The following KCNAB1 variants were observed in gnomAD, a reference collection of about 807,000 sequenced individuals.
The protein encoded by KCNAB1 is potassium voltage-gated channel subfamily A regulatory beta subunit 1.
Under a neutral mutation model 64.6 loss-of-function variants are expected in KCNAB1, and 35 were observed. The ratio of observed to expected loss-of-function variants is 0.54; its 90% CI spans 0.41 to 0.72. KCNAB1 has a LOEUF of 0.72. KCNAB1 is among the 30% of genes least tolerant of loss of function. KCNAB1 has a pLI of 0.00. For synonymous variants in KCNAB1, 177 were observed against 183.8 expected (o/e 0.96, Z 0.30); for missense variants, 401 against 512.9 (o/e 0.78, Z 2.11).
At chr3:156,171,743 G>T (rs1209986786) in intron 1 of KCNAB1, among the ~76,000 whole-genome samples, 1 of 152,128 alleles carries the variant, frequency 6.6e-6, no homozygotes, top group Non-Finnish European at 1.5e-5. Flanking sequence ...ACGCTACATG[G>T]CCTCTAATCT....
intron 1 of KCNAB1, among the ~76,000 whole-genome samples, chr3:156,413,037 A>G (rs1266310106): frequency 2.0e-5 from 3 of 152,228 alleles, no homozygotes; most frequent in African/African-American, 7.2e-5. Flanking sequence ...AAGCCTGAAC[A>G]TAAGAGTAGA....
intron 1 of KCNAB1, among the ~76,000 whole-genome samples, chr3:156,310,539 T>C (rs113081946): frequency 0.056 from 8,506 of 152,086 alleles, 367 homozygotes; most frequent in African/African-American, 0.12. Context: ...CATGGTGGCT[T>C]ACGCCTGTAA....
chr3:156,400,079 A>G (rs1713776330), intron 1 of KCNAB1, among the ~76,000 whole-genome samples: 1 of 152,172 alleles, frequency 6.6e-6, no homozygotes, highest in African/African-American at 2.4e-5. Flanking sequence ...TTTCCATGTG[A>G]TTTCCAAATG....
At chr3:156,275,395 A>G (rs925010361) in intron 1 of KCNAB1, among the ~76,000 whole-genome samples, 1 of 152,218 alleles carries the variant, frequency 6.6e-6, no homozygotes, top group Non-Finnish European at 1.5e-5. Context: ...CTGACTGACC[A>G]GAATGGTGGT....
chr3:156,139,702 G>A (rs573043023), intron 1 of KCNAB1, among the ~76,000 whole-genome samples: 1 of 146,288 alleles, frequency 6.8e-6, no homozygotes, highest in African/African-American at 2.5e-5. Context: ...AATGGAAATA[G>A]GTTTATGAGA....
At chr3:156,345,894 A>G (rs1724450950) in intron 1 of KCNAB1, among the ~76,000 whole-genome samples, 1 of 152,190 alleles carries the variant, frequency 6.6e-6, no homozygotes, top group South Asian at 2.1e-4. Context: ...CTACTGAGCA[A>G]CACCTCACTA....
At chr3:156,494,337 A>C (rs1282632096) in intron 8 of KCNAB1, among the ~76,000 whole-genome samples, 1 of 152,110 alleles carries the variant, frequency 6.6e-6, no homozygotes, top group Non-Finnish European at 1.5e-5. Flanking sequence ...AAGCATAATA[A>C]AAAATTTGGA....
chr3:156,341,668 A>C (rs1453228047), intron 1 of KCNAB1, among the ~76,000 whole-genome samples: 1 of 152,246 alleles, frequency 6.6e-6, no homozygotes, highest in African/African-American at 2.4e-5. Context: ...CTACATAGAA[A>C]TATAATCCAG....
chr3:156,413,505 C>A (rs913770386), intron 1 of KCNAB1, among the ~76,000 whole-genome samples: 2 of 152,124 alleles, frequency 1.3e-5, no homozygotes, highest in African/African-American at 4.8e-5. Flanking sequence ...TCACAACAAC[C>A]CTATGAAGTA....
chr3:156,400,203 C>G (rs1311503750), intron 1 of KCNAB1, among the ~76,000 whole-genome samples: 1 of 152,184 alleles, frequency 6.6e-6, no homozygotes, highest in African/African-American at 2.4e-5. Flanking sequence ...TTTAAAATGT[C>G]TAAATTGCCT....
rs376530947 is a variant in KCNAB1 at position 156,478,744 on chromosome 3, G to A, written c.658+3924G>A. On this transcript the variant is annotated intron_variant, in intron 8 of 13. Transcript: ENST00000490337. ...AATAAACCAAGACGAGCTTCATCCA[G>A]TTTCTACATATCATACAGCAACCAT... 3.3e-5 allele frequency among the ~76,000 whole-genome samples: 5 copies of A among 152,254 alleles called. No individual in the cohort carries two copies. The East Asian group carries it at 7.7e-4, about 24-fold the overall frequency.
intron 1 of KCNAB1, among the ~76,000 whole-genome samples, chr3:156,184,613 A>G (rs931445364): frequency 1.3e-5 from 2 of 152,250 alleles, no homozygotes; most frequent in African/African-American, 4.8e-5. Context: ...GGACACAGGT[A>G]TCTAAGAACA....
At chr3:156,344,832 TC>T (rs564253077) in intron 1 of KCNAB1, among the ~76,000 whole-genome samples, 6 of 152,178 alleles carry the variant, frequency 3.9e-5, no homozygotes, top group African/African-American at 7.2e-5. Context: ...TCCCATTACG[TC>T]CTATCTCCAG....
intron 1 of KCNAB1, among the ~76,000 whole-genome samples, chr3:156,247,959 C>T (rs1276604788): frequency 6.6e-6 from 1 of 152,022 alleles, no homozygotes; most frequent in Admixed American, 6.6e-5. Flanking sequence ...ACTCATATAA[C>T]CGTTTCTATA....
At chr3:156,201,834 G>T (rs1216088662) in intron 1 of KCNAB1, among the ~76,000 whole-genome samples, 4 of 152,180 alleles carry the variant, frequency 2.6e-5, no homozygotes, top group Non-Finnish European at 5.9e-5. Context: ...GCTCAGGCAG[G>T]CTAGTGCATG....
At chr3:156,168,213 G>A (rs555169972) in intron 1 of KCNAB1, among the ~76,000 whole-genome samples, 29 of 146,448 alleles carry the variant, frequency 2.0e-4, no homozygotes, top group East Asian at 8.1e-4. Flanking sequence ...ACCCCCAACC[G>A]CCCCCCAAAA....
chr3:156,531,359 C>A, intron 12 of KCNAB1, 50 bp from the exon 13 acceptor site: 2 of 1,342,308 alleles, frequency 1.5e-6, no homozygotes, highest in Non-Finnish European at 2.1e-6. Context: ...ATAAGCTAAT[C>A]AACGATTGGA....
chr3:156,494,842 A>G (rs1715891738), intron 8 of KCNAB1, among the ~76,000 whole-genome samples: 1 of 152,176 alleles, frequency 6.6e-6, no homozygotes, highest in Non-Finnish European at 1.5e-5. Flanking sequence ...GCTGGTTACA[A>G]GCAAGTTTGC....
chr3:156,120,385 C>T (rs538009021), upstream of KCNAB1, among the ~76,000 whole-genome samples: 7 of 152,236 alleles, frequency 4.6e-5, no homozygotes, highest in Admixed American at 6.5e-5. Flanking sequence ...TTAAAATTTC[C>T]GTGTTCGAAG....
Sources: gnomAD v4.1 joint callset for allele counts (sites outside exome capture counted in the v4.1 genomes callset) on GRCh38, gnomAD v4.1.1 for gene constraint, MANE v1.5 for transcripts, NCBI Gene and HGNC (gene_info 2026-07-23, HGNC 2026-07-21) for gene names.